The following KCNT2 variants were observed in gnomAD, a reference collection of about 807,000 sequenced individuals.
The protein encoded by KCNT2 is potassium channel subfamily T member 2.
Under a neutral mutation model 153.8 loss-of-function variants are expected in KCNT2, and 67 were observed. The ratio of observed to expected loss-of-function variants is 0.44; its 90% CI spans 0.36 to 0.53. The LOEUF (loss-of-function observed/expected upper bound fraction) is 0.53. Among genes scored for constraint, KCNT2 ranks in the 20% least tolerant of loss-of-function variants. The pLI is 0.00. For missense variants in KCNT2, 975 were observed against 1,354.8 expected (o/e 0.72, Z 4.40); for synonymous variants, 500 against 458.8 (o/e 1.09, Z -1.15).
chr1:196,294,693 T>C (rs1038532787), intron 22 of KCNT2, among the ~76,000 whole-genome samples: 5 of 152,154 alleles, frequency 3.3e-5, no homozygotes, highest in Non-Finnish European at 7.3e-5. Flanking sequence ...GTTGAAGAGA[T>C]GTCTTGCATG....
At chr1:196,278,273 CA>C (rs1259659457) in intron 25 of KCNT2, among the ~76,000 whole-genome samples, 2 of 152,078 alleles carry the variant, frequency 1.3e-5, no homozygotes, top group Admixed American at 1.3e-4. Flanking sequence ...ACATTTACGA[CA>C]AAATATTTTG....
At chr1:196,550,365 C>A (rs955413099) in intron 1 of KCNT2, among the ~76,000 whole-genome samples, 1 of 151,852 alleles carries the variant, frequency 6.6e-6, no homozygotes, top group East Asian at 1.9e-4. Context: ...GCTTCAAGCA[C>A]CATGTGTAAG....
rs187123220 is a variant in KCNT2, at chr1:196,429,773, T to C, written c.639-16A>G. On this transcript the variant is annotated splice_polypyrimidine_tract_variant and intron_variant, in intron 8 of 27. Transcript: ENST00000294725. ...CCCACAAATGCTAAAGAAACAAATATGCATTACAATTAAATCTTTCAAACT... is the reference window on the plus strand; with the variant it reads ...CCCACAAATGCTAAAGAAACAAATACGCATTACAATTAAATCTTTCAAACT... 963 of 1,544,886 alleles carry C rather than the reference T, an allele frequency of 6.2e-4. 1 individual carries two copies. The highest frequency in any genetic ancestry group is 7.7e-4 in the Non-Finnish European group (880 of 1,137,752).
intron 3 of KCNT2, among the ~76,000 whole-genome samples, chr1:196,484,333 A>C (rs1387585807): frequency 6.6e-6 from 1 of 151,486 alleles, no homozygotes; most frequent in Non-Finnish European, 1.5e-5. Flanking sequence ...TTTTTTGAGA[A>C]TTGTATGTTC....
chr1:196,574,473 A>C (rs895054023), intron 1 of KCNT2, among the ~76,000 whole-genome samples: 4 of 151,896 alleles, frequency 2.6e-5, no homozygotes, highest in Non-Finnish European at 5.9e-5. Flanking sequence ...TAGCAAGGGA[A>C]GACTAAAAAA....
At chr1:196,414,587 T>G (rs986968869) in intron 12 of KCNT2, among the ~76,000 whole-genome samples, 1 of 151,894 alleles carries the variant, frequency 6.6e-6, no homozygotes, top group Non-Finnish European at 1.5e-5. Context: ...TTTGTTGTTG[T>G]TCTACTTAAC....
intron 13 of KCNT2, among the ~76,000 whole-genome samples, chr1:196,393,998 A>G (rs1467077283): frequency 6.6e-6 from 1 of 151,596 alleles, no homozygotes. Context: ...TATATTGGTG[A>G]AAAAAAGTCT....
intron 20 of KCNT2, among the ~76,000 whole-genome samples, chr1:196,316,722 C>T (rs1662763342): frequency 1.3e-5 from 2 of 151,382 alleles, no homozygotes; most frequent in African/African-American, 4.9e-5. Context: ...TAGAGTCAGT[C>T]TTCTTCCCTA....
intron 14 of KCNT2, among the ~76,000 whole-genome samples, chr1:196,351,847 T>C (rs1208191182): frequency 6.6e-6 from 1 of 152,146 alleles, no homozygotes; most frequent in Non-Finnish European, 1.5e-5. Context: ...GGGTTTGTCA[T>C]AGATAGCTCT....
intron 5 of KCNT2, 27 bp from the exon 6 acceptor site, chr1:196,469,095 A>G (rs770205738): frequency 1.3e-4 from 180 of 1,381,018 alleles, no homozygotes; most frequent in Non-Finnish European, 1.8e-4. Context: ...AATAAAAACG[A>G]AAGTCAATTA....
chr1:196,244,588 G>A (rs572285128), intron 26 of KCNT2, among the ~76,000 whole-genome samples: 1 of 152,130 alleles, frequency 6.6e-6, no homozygotes, highest in East Asian at 1.9e-4. Context: ...CTGGAGTGGT[G>A]GTGGCCACAG....
chr1:196,416,032 C>T (rs1672726655), intron 12 of KCNT2, among the ~76,000 whole-genome samples: 1 of 151,910 alleles, frequency 6.6e-6, no homozygotes, highest in Non-Finnish European at 1.5e-5. Flanking sequence ...AAGTTATATG[C>T]CATTCTAAGT....
At chr1:196,403,545 A>G (rs901678471) in intron 12 of KCNT2, among the ~76,000 whole-genome samples, 2 of 151,666 alleles carry the variant, frequency 1.3e-5, no homozygotes, top group Admixed American at 6.6e-5. Context: ...CCCTAATGTA[A>G]ACTATGGGTT....
chr1:196,327,959 T>A (rs1664052766), intron 18 of KCNT2, among the ~76,000 whole-genome samples: 1 of 152,114 alleles, frequency 6.6e-6, no homozygotes, highest in Non-Finnish European at 1.5e-5. Context: ...TTCTTTGCCA[T>A]TATTCTTGAA....
rs976388530 is a variant in KCNT2 at position 196,338,948 on chromosome 1, CAAAAAAAAAAAAAAA to C, written c.1783+1378_1783+1392del. ...GATAATGGTGTCATCTGCTTTTTAG[CAAAAAAAAAAAAAAA>C]AAAAAAAAAAAGGAGAAGGAGAAAA... On this transcript the variant is annotated intron_variant, in intron 16 of 27. Transcript: ENST00000294725. Among the ~76,000 whole-genome samples the C allele has an allele frequency of 8.0e-5, 3 of 37,732 alleles. No homozygotes were observed. In the Admixed American group the frequency reaches 1.1e-3, roughly 14 times the overall value. The allele number at this position is 37,732 out of a possible 152,430, so 24.8% of individuals were successfully genotyped here.
intron 13 of KCNT2, among the ~76,000 whole-genome samples, chr1:196,381,949 T>TA (rs1408852506): frequency 1.3e-5 from 2 of 152,142 alleles, no homozygotes; most frequent in African/African-American, 4.8e-5. Context: ...CTGGAAGATT[T>TA]ATTAGTAGCA....
At chr1:196,576,215 T>C in intron 1 of KCNT2, among the ~76,000 whole-genome samples, 1 of 151,862 alleles carries the variant, frequency 6.6e-6, no homozygotes, top group East Asian at 1.9e-4. Context: ...AACTCAAGGC[T>C]AGTAAACATA....
chr1:196,431,913 G>A (rs1213328745), intron 8 of KCNT2, among the ~76,000 whole-genome samples: 1 of 152,038 alleles, frequency 6.6e-6, no homozygotes, highest in African/African-American at 2.4e-5. Context: ...GAAGCCAGGT[G>A]GTCTTCATCA....
chr1:196,512,340 C>T (rs1160521071), intron 1 of KCNT2, among the ~76,000 whole-genome samples: 2 of 152,040 alleles, frequency 1.3e-5, no homozygotes, highest in Non-Finnish European at 2.9e-5. Flanking sequence ...TTTATATTTC[C>T]AGCTCAATCC....
Sources: gnomAD v4.1 joint callset for allele counts (sites outside exome capture counted in the v4.1 genomes callset) on GRCh38, gnomAD v4.1.1 for gene constraint, MANE v1.5 for transcripts, NCBI Gene and HGNC (gene_info 2026-07-23, HGNC 2026-07-21) for gene names.